FUT9: variants seen among roughly 807,000 people sequenced by gnomAD.
The protein encoded by FUT9 is fucosyltransferase 9.
A neutral mutation model predicts 29.7 loss-of-function variants in FUT9; 15 were observed. That is an observed-to-expected ratio of 0.51 (90% CI 0.34 to 0.78). FUT9 has a LOEUF of 0.78. FUT9 is among the 30% of genes least tolerant of loss of function. FUT9 has a pLI of 0.01. For missense variants in FUT9, 319 were observed against 425.4 expected (o/e 0.75, Z 2.20); for synonymous variants, 169 against 153.7 (o/e 1.10, Z -0.74).
intron 2 of FUT9, among the ~76,000 whole-genome samples, chr6:96,180,420 A>G (rs1176916210): frequency 6.6e-6 from 1 of 152,106 alleles, no homozygotes; most frequent in Admixed American, 6.6e-5. Context: ...CAGACAGAAT[A>G]ATGTGCCATG....
chr6:96,198,764 T>A (rs1411020573), intron 2 of FUT9, among the ~76,000 whole-genome samples: 3 of 152,134 alleles, frequency 2.0e-5, no homozygotes, highest in Non-Finnish European at 4.4e-5. Context: ...TTTCTCCACA[T>A]CCTCTCCAGC....
At chr6:96,087,473 T>A (rs1033058254) in intron 1 of FUT9, among the ~76,000 whole-genome samples, 13 of 151,136 alleles carry the variant, frequency 8.6e-5, no homozygotes, top group Admixed American at 5.3e-4. Flanking sequence ...TTCAAGCAAT[T>A]ATCCTGCCTC....
chr6:96,191,338 A>G (rs1306837040), intron 2 of FUT9, among the ~76,000 whole-genome samples: 1 of 152,164 alleles, frequency 6.6e-6, no homozygotes, highest in South Asian at 2.1e-4. Flanking sequence ...CACTAGCAAG[A>G]CTAATAAAGA....
chr6:96,123,305 A>G (rs1173287202), intron 2 of FUT9, among the ~76,000 whole-genome samples: 1 of 152,138 alleles, frequency 6.6e-6, no homozygotes, highest in East Asian at 1.9e-4. Context: ...AATATCTTAA[A>G]CAAAAAAACC....
chr6:96,087,574 T>C lies in FUT9; in HGVS notation c.-97-26465T>C, dbSNP rs141236829. Among the ~76,000 whole-genome samples the C allele has an allele frequency of 1.2e-3, 187 of 151,854 alleles. 3 individuals carry two copies. The East Asian group carries it at 0.032, about 26-fold the overall frequency. ...TAGAGACGGGGTTTCACCATGTTGG[T>C]CAGGATGGTCTCGATCTCTTGACCT... On this transcript the variant is annotated intron_variant, in intron 1 of 2. Transcript: ENST00000302103.
At chr6:96,029,742 C>T (rs1378650193) in intron 1 of FUT9, among the ~76,000 whole-genome samples, 2 of 151,404 alleles carry the variant, frequency 1.3e-5, no homozygotes, top group Admixed American at 1.3e-4. Flanking sequence ...TAGGGATGAT[C>T]CAGGAGTTGA....
chr6:96,039,538 C>G (rs1770418924), intron 1 of FUT9, among the ~76,000 whole-genome samples: 1 of 152,038 alleles, frequency 6.6e-6, no homozygotes, highest in African/African-American at 2.4e-5. Flanking sequence ...CCACTTCAGG[C>G]CTGTGCATGT....
rs766876706 is a variant in FUT9, at chr6:96,203,247, A to C, written c.92A>C (p.Lys31Thr). ...CFMACLLIYI[K>T]PTNSWIFSPM... ...ATGGCATGTCTTCTCATTTACATCA[A>C]ACCTACCAACAGCTGGATCTTCAGT... Residue 31 changes from lysine to threonine, a missense_variant, in exon 3 of 3, where the codon AAA (lysine) becomes ACA (threonine). By Grantham distance (78) the Lys-to-Thr change is moderately conservative. Transcript: ENST00000302103. 1.2e-5 allele frequency: 20 copies of C among 1,613,628 alleles called. No individual in the cohort carries two copies. In the South Asian group the frequency reaches 2.1e-4, roughly 17 times the overall value.
intron 2 of FUT9, among the ~76,000 whole-genome samples, chr6:96,157,845 T>C (rs1326126423): frequency 1.3e-5 from 2 of 152,122 alleles, no homozygotes; most frequent in African/African-American, 4.8e-5. Context: ...TCTTCAAATC[T>C]ACTCCTGTCT....
At chr6:96,155,554 T>C (rs562478971) in intron 2 of FUT9, among the ~76,000 whole-genome samples, 9 of 151,846 alleles carry the variant, frequency 5.9e-5, no homozygotes, top group African/African-American at 1.9e-4. Flanking sequence ...GTGCCTGTAG[T>C]CCTAGCTGCT....
chr6:96,158,961 A>G (rs2127979214), intron 2 of FUT9, among the ~76,000 whole-genome samples: 1 of 152,324 alleles, frequency 6.6e-6, no homozygotes, highest in African/African-American at 2.4e-5. Context: ...CATTGTAAAC[A>G]TTATAGTAAC....
intron 1 of FUT9, among the ~76,000 whole-genome samples, chr6:96,076,498 T>C (rs1307981505): frequency 6.6e-6 from 1 of 152,186 alleles, no homozygotes; most frequent in African/African-American, 2.4e-5. Context: ...TTTAGGCCCA[T>C]TAAAATAATT....
intron 1 of FUT9, among the ~76,000 whole-genome samples, chr6:96,113,397 C>T (rs566885681): frequency 6.6e-6 from 1 of 151,860 alleles, no homozygotes; most frequent in Non-Finnish European, 1.5e-5. Context: ...TGCTACCACA[C>T]CCAGCTAATT....
chr6:96,071,684 T>C (rs1426998077), intron 1 of FUT9, among the ~76,000 whole-genome samples: 1 of 152,198 alleles, frequency 6.6e-6, no homozygotes, highest in East Asian at 1.9e-4. Context: ...TCACGGCATT[T>C]TTAAAAATTG....
At chr6:96,170,668 TA>T (rs1189305482) in intron 2 of FUT9, among the ~76,000 whole-genome samples, 1 of 152,144 alleles carries the variant, frequency 6.6e-6, no homozygotes, top group East Asian at 1.9e-4. Flanking sequence ...GATATCTTCA[TA>T]AGTTAATACA....
chr6:96,106,212 A>AT (rs1234861025), intron 1 of FUT9, among the ~76,000 whole-genome samples: 2 of 11,364 alleles, frequency 1.8e-4, no homozygotes, highest in Middle Eastern at 0.25. Context: ...CAATCCATCA[A>AT]CCCTTCCTTC....
chr6:96,114,757 T>C lies in FUT9; in HGVS notation c.-9+630T>C, dbSNP rs545102997. Among the ~76,000 whole-genome samples, 11 of 152,304 alleles carry C rather than the reference T, an allele frequency of 7.2e-5. No homozygotes were observed. In the East Asian group the frequency reaches 1.7e-3, roughly 24 times the overall value. ...AAGGAGGTAGAATTCTGGGATACTG[T>C]GCTTTGTTTTTGAGTTAAGAAATAC... is the stretch of plus-strand genomic sequence containing the variant. On this transcript the variant is annotated intron_variant, in intron 2 of 2. Coordinates refer to ENST00000302103, the MANE Select transcript of FUT9 (RefSeq NM_006581.4).
In FUT9 at chr6:96,207,420, A is replaced by G. The variant is rs1397954100; in HGVS notation, c.*3185A>G. The G allele has an allele frequency of 6.0e-6, 1 of 167,094 alleles. No homozygotes were observed. The highest frequency in any genetic ancestry group is 2.4e-5 in the African/African-American group (1 of 41,470). The allele number at this position is 167,094 out of a possible 1,614,324, so 10.4% of individuals were successfully genotyped here. A position where few individuals can be genotyped will look rare whatever the true frequency, so the allele number is the denominator to read the frequency against. On this transcript the variant is annotated 3_prime_UTR_variant, in exon 3 of 3. Coordinates refer to ENST00000302103, the MANE Select transcript of FUT9 (RefSeq NM_006581.4). ...GCCTATAGAATGGTACACCTCATGT[A>G]GAAGAACTTCGACTTTTGAAGGTAT...
chr6:96,063,113 GT>G (rs757853413), intron 1 of FUT9, among the ~76,000 whole-genome samples: 6 of 152,198 alleles, frequency 3.9e-5, no homozygotes, highest in Non-Finnish European at 8.8e-5. Flanking sequence ...TTAGCAGGAT[GT>G]TCCTGGTTTA....
Sources: gnomAD v4.1 joint callset for allele counts (sites outside exome capture counted in the v4.1 genomes callset) on GRCh38, gnomAD v4.1.1 for gene constraint, MANE v1.5 for transcripts, NCBI Gene and HGNC (gene_info 2026-07-23, HGNC 2026-07-21) for gene names.